Variants in ZNF385D observed in about 807,000 individuals in gnomAD.
The protein encoded by ZNF385D is zinc finger protein 659.
ZNF385D carries 15 observed loss-of-function variants against 35.8 expected under a neutral mutation model. The observed-to-expected ratio is 0.42, with a 90% CI of 0.28 to 0.64. The LOEUF is 0.64. Ranked by LOEUF, ZNF385D falls within the 30% of genes least tolerant of loss-of-function variation. ZNF385D has a pLI of 0.23. For synonymous variants in ZNF385D, 212 were observed against 186.8 expected (o/e 1.13, Z -1.10); for missense variants, 474 against 494.6 (o/e 0.96, Z 0.39).
intron 3 of ZNF385D, among the ~76,000 whole-genome samples, chr3:22,089,512 G>A (rs1365746097): frequency 6.6e-6 from 1 of 152,150 alleles, no homozygotes; most frequent in Non-Finnish European, 1.5e-5. Context: ...CCAGCAGTGT[G>A]CATGGCTTCT....
At chr3:21,490,139 A>G (rs1358667949) in intron 4 of ZNF385D, among the ~76,000 whole-genome samples, 1 of 151,916 alleles carries the variant, frequency 6.6e-6, no homozygotes, top group Non-Finnish European at 1.5e-5. Flanking sequence ...GTCCTGACTC[A>G]TCTCTTTTGT....
chr3:21,769,503 A>G (rs986531504), intron 3 of ZNF385D, among the ~76,000 whole-genome samples: 1 of 125,138 alleles, frequency 8.0e-6, no homozygotes, highest in Non-Finnish European at 1.6e-5. Flanking sequence ...CAAAGAGAAT[A>G]AAATACCTAG....
At chr3:21,522,711 G>T (rs541215251) in intron 3 of ZNF385D, among the ~76,000 whole-genome samples, 1 of 152,274 alleles carries the variant, frequency 6.6e-6, no homozygotes, top group African/African-American at 2.4e-5. Context: ...GGGAGGGTAA[G>T]CTGGGAAGGG....
intron 3 of ZNF385D, among the ~76,000 whole-genome samples, chr3:22,077,091 A>G (rs1483980280): frequency 6.6e-6 from 1 of 152,102 alleles, no homozygotes. Flanking sequence ...ATATTTAAGG[A>G]AAATTAAAAA....
chr3:21,956,877 T>C (rs927114253), intron 3 of ZNF385D, among the ~76,000 whole-genome samples: 1 of 151,772 alleles, frequency 6.6e-6, no homozygotes, highest in African/African-American at 2.4e-5. Context: ...GGTGATCCAA[T>C]TTAACCTTAC....
chr3:21,758,975 CAAAAAAAAAAAAA>C (rs58450064), intron 3 of ZNF385D, among the ~76,000 whole-genome samples: 4 of 29,224 alleles, frequency 1.4e-4, no homozygotes, highest in Admixed American at 6.6e-4. Context: ...TCATCACTGG[CAAAAAAAAAAAAA>C]AAAAAAAAAA....
In ZNF385D at chr3:21,419,633, A is replaced by G. The variant is rs1700654594; in HGVS notation, c.*1581T>C. The G allele has an allele frequency of 6.6e-6, 1 of 152,066 alleles. No individual in the cohort carries two copies. Among genetic ancestry groups the G allele is most frequent in the Non-Finnish European group, 1.5e-5 (1 of 67,978 alleles). The allele number at this position is 152,066 out of a possible 1,614,324, so 9.4% of individuals were successfully genotyped here. A position where few individuals can be genotyped will look rare whatever the true frequency, so the allele number is the denominator to read the frequency against. ...AGTTTCAGTGTCATTGCTCTTATTA[A>G]TGCAACAGACTGGCTGCATCAAACC... On this transcript the variant is annotated 3_prime_UTR_variant, in exon 8 of 8. Coordinates refer to ENST00000281523, the MANE Select transcript of ZNF385D (RefSeq NM_024697.3).
At chr3:22,328,855 C>G (rs1337996718) in intron 2 of ZNF385D, among the ~76,000 whole-genome samples, 3 of 151,838 alleles carry the variant, frequency 2.0e-5, no homozygotes, top group African/African-American at 4.8e-5. Flanking sequence ...GCGGGCGGAT[C>G]ACGAGGTCAG....
intron 1 of ZNF385D, among the ~76,000 whole-genome samples, chr3:21,681,139 G>T (rs2066886120): frequency 6.6e-6 from 1 of 151,930 alleles, no homozygotes; most frequent in Non-Finnish European, 1.5e-5. Context: ...GGAACTCAGA[G>T]TCTCCTATCA....
chr3:22,303,107 T>C lies in ZNF385D; in HGVS notation c.106+69343A>G, dbSNP rs1484080753. Among the ~76,000 whole-genome samples, 3 of 152,302 alleles carry C rather than the reference T, an allele frequency of 2.0e-5. 1 individual carries two copies. The South Asian group carries it at 6.2e-4, about 32-fold the overall frequency. ...TTTGATGATTATCAAGAAACTGCCA[T>C]TTTCCATCCAATCTCCATTCCATTG... On this transcript the variant is annotated intron_variant, in intron 2 of 5. Transcript: ENST00000494108.
At chr3:21,704,384 C>A (rs962381479) in intron 1 of ZNF385D, among the ~76,000 whole-genome samples, 7 of 152,094 alleles carry the variant, frequency 4.6e-5, no homozygotes, top group Non-Finnish European at 8.8e-5. Context: ...CCCGAGCACA[C>A]ATTCCTGTAG....
At chr3:21,546,721 C>T (rs896049742) in intron 3 of ZNF385D, among the ~76,000 whole-genome samples, 1 of 152,052 alleles carries the variant, frequency 6.6e-6, no homozygotes, top group Non-Finnish European at 1.5e-5. Flanking sequence ...CTTCCTGTTT[C>T]ATGGATAAAG....
chr3:21,979,902 A>C (rs13066500), intron 3 of ZNF385D: 54,868 of 151,982 alleles, frequency 0.36, 11,464 homozygotes, highest in South Asian at 0.57. Context: ...AAATTCCTTG[A>C]TACTCCTCTC....
intron 3 of ZNF385D, chr3:22,133,944 C>G (rs544458014): frequency 6.6e-6 from 1 of 151,820 alleles, no homozygotes; most frequent in Non-Finnish European, 1.5e-5. Flanking sequence ...AAAATCTGAA[C>G]AGCTCCATGA....
chr3:22,277,708 G>C (rs1242209360), intron 2 of ZNF385D, among the ~76,000 whole-genome samples: 2 of 152,052 alleles, frequency 1.3e-5, no homozygotes, highest in Non-Finnish European at 2.9e-5. Flanking sequence ...AAGATATGAA[G>C]GAAACTGCAA....
At chr3:21,497,544 A>AT (rs909412520) in intron 4 of ZNF385D, among the ~76,000 whole-genome samples, 11 of 152,226 alleles carry the variant, frequency 7.2e-5, no homozygotes, top group South Asian at 6.2e-4. Context: ...ATTTAAAAAA[A>AT]TTTTTTTTAA....
chr3:21,887,070 C>T (rs1698585250), intron 3 of ZNF385D, among the ~76,000 whole-genome samples: 1 of 152,092 alleles, frequency 6.6e-6, no homozygotes, highest in Non-Finnish European at 1.5e-5. Flanking sequence ...TGTCAAGTTG[C>T]CCCATTATGC....
intron 3 of ZNF385D, among the ~76,000 whole-genome samples, chr3:21,913,892 G>A (rs259540): frequency 0.057 from 8,694 of 152,140 alleles, 407 homozygotes; most frequent in South Asian, 0.12. Flanking sequence ...GCAAGGATTT[G>A]TTGGTTGGTT....
chr3:21,678,058 T>A (rs2066782791), intron 1 of ZNF385D, among the ~76,000 whole-genome samples: 1 of 152,060 alleles, frequency 6.6e-6, no homozygotes. Flanking sequence ...AACATACCAG[T>A]ATCTAATCCA....
Sources: allele counts gnomAD v4.1 joint callset (sites outside exome capture counted in the v4.1 genomes callset), GRCh38; gene constraint gnomAD v4.1.1; transcripts MANE v1.5; gene names NCBI Gene and HGNC (gene_info 2026-07-23, HGNC 2026-07-21).